Variants in FGGY observed in about 807,000 individuals in gnomAD.
FGGY encodes FGGY carbohydrate kinase domain-containing protein.
In FGGY, 72 loss-of-function variants were observed where a neutral mutation model predicts 71.3. That is an observed-to-expected ratio of 1.01 (90% CI 0.84 to 1.23). The LOEUF (loss-of-function observed/expected upper bound fraction) is 1.23, where lower values mean the gene tolerates loss of function less well. Among genes scored for constraint, FGGY ranks in the 50% most tolerant of loss-of-function variants. The pLI, the probability that FGGY is intolerant of heterozygous loss-of-function variation, is 0.00. For missense variants in FGGY, 668 were observed against 682.3 expected (o/e 0.98, Z 0.23); for synonymous variants, 251 against 250.3 (o/e 1.00, Z -0.02).
chr1:59,551,506 A>G (rs1558319299), intron 7 of FGGY, among the ~76,000 whole-genome samples: 1 of 152,168 alleles, frequency 6.6e-6, no homozygotes, highest in South Asian at 2.1e-4. Flanking sequence ...CAGCGTGGCC[A>G]ACTCCTTTTC....
rs148383226 is a variant in FGGY at position 59,513,160 on chromosome 1, T to G, written c.799+721T>G. 7.7e-4 allele frequency among the ~76,000 whole-genome samples: 118 copies of G among 152,338 alleles called. No individual in the cohort carries two copies. In the Middle Eastern group the frequency reaches 0.014, roughly 18 times the overall value. ...CTCTCATCTCAACTGTAGCCATATA[T>G]TTTTTTCCTAGCCTTTCATTCTAAC... On this transcript the variant is annotated intron_variant, in intron 7 of 15. Coordinates refer to ENST00000303721, the MANE Select transcript of FGGY (RefSeq NM_018291.5).
rs557215334 is a variant in FGGY at position 59,350,856 on chromosome 1, C to T, written c.465+4458C>T. Reference sequence around the variant, plus strand: ...GTGCATGATGTCATTTTTACCTCTTCCTCTCTCGTCACTGTTTGTCTTTTA... The same window carrying T: ...GTGCATGATGTCATTTTTACCTCTTTCTCTCTCGTCACTGTTTGTCTTTTA... On this transcript the variant is annotated intron_variant, in intron 4 of 15. Transcript: ENST00000303721. Among the ~76,000 whole-genome samples, 4 of 152,296 alleles carry T rather than the reference C, an allele frequency of 2.6e-5. No individual in the cohort carries two copies. In the South Asian group the frequency reaches 8.3e-4, roughly 32 times the overall value.
At chr1:59,340,851 G>A (rs576878696) in intron 3 of FGGY, among the ~76,000 whole-genome samples, 12 of 152,294 alleles carry the variant, frequency 7.9e-5, no homozygotes, top group African/African-American at 2.9e-4. Context: ...AATTTCAACT[G>A]ATATTTAACC....
intron 7 of FGGY, among the ~76,000 whole-genome samples, chr1:59,512,680 T>A (rs2094546987): frequency 6.6e-6 from 1 of 152,238 alleles, no homozygotes; most frequent in South Asian, 2.1e-4. Flanking sequence ...AAAAAATGTA[T>A]TTGAATAACT....
intron 5 of FGGY, among the ~76,000 whole-genome samples, chr1:59,403,778 T>C (rs1405515128): frequency 1.3e-5 from 2 of 152,226 alleles, no homozygotes; most frequent in Non-Finnish European, 2.9e-5. Flanking sequence ...GGAGTGTTTC[T>C]GATGTGGGCT....
At position 59,550,005 on chromosome 1, in the gene FGGY, A is replaced by G. The variant is rs150465966; in HGVS notation, c.800-4119A>G. On this transcript the variant is annotated intron_variant, in intron 7 of 15. Transcript: ENST00000303721. ...CATTGAGTTAGCCTGTTTTTCTGCT[A>G]TTTGTTTTTTAGTTCAACAAACATT... Among the ~76,000 whole-genome samples the G allele has an allele frequency of 1.5e-3, 230 of 152,250 alleles. 2 individuals carry two copies. The highest frequency in any genetic ancestry group is 5.2e-3 in the African/African-American group (215 of 41,554).
chr1:59,346,030 A>T (rs192430737), intron 3 of FGGY, among the ~76,000 whole-genome samples: 17 of 152,318 alleles, frequency 1.1e-4, no homozygotes, highest in African/African-American at 4.1e-4. Flanking sequence ...CATTTATTCT[A>T]AGGTCATGGT....
At chr1:59,741,671 G>A (rs552446975) in intron 14 of FGGY, among the ~76,000 whole-genome samples, 3 of 152,170 alleles carry the variant, frequency 2.0e-5, no homozygotes, top group Non-Finnish European at 2.9e-5. Context: ...CCAGGCGGGC[G>A]AGGCGCGGTG....
chr1:59,311,291 C>A (rs886465488), intron 1 of FGGY, among the ~76,000 whole-genome samples: 101 of 150,698 alleles, frequency 6.7e-4, no homozygotes, highest in African/African-American at 2.3e-3. Flanking sequence ...ACTGTAAGTT[C>A]CAGGATACAT....
intron 6 of FGGY, among the ~76,000 whole-genome samples, chr1:59,490,728 T>G (rs2093804222): frequency 6.6e-6 from 1 of 152,142 alleles, no homozygotes; most frequent in African/African-American, 2.4e-5. Context: ...AACTTCATTC[T>G]TCTGCACATA....
chr1:59,760,421 G>T (rs1270089152), intron 15 of FGGY, among the ~76,000 whole-genome samples: 7 of 152,190 alleles, frequency 4.6e-5, no homozygotes, highest in Non-Finnish European at 1.0e-4. Context: ...ATTAACATGT[G>T]ATTCAGGAAT....
chr1:59,415,781 C>T (rs957318589), intron 5 of FGGY, among the ~76,000 whole-genome samples: 2 of 152,220 alleles, frequency 1.3e-5, no homozygotes, highest in African/African-American at 4.8e-5. Context: ...TGTCTTTATT[C>T]ATGTTGCCCA....
At chr1:59,539,045 A>G (rs1316601866) in intron 7 of FGGY, among the ~76,000 whole-genome samples, 1 of 152,180 alleles carries the variant, frequency 6.6e-6, no homozygotes, top group African/African-American at 2.4e-5. Flanking sequence ...ACAATAAAAT[A>G]AAAATATTAA....
chr1:59,534,783 A>C (rs1033389082), intron 7 of FGGY, among the ~76,000 whole-genome samples: 9 of 152,100 alleles, frequency 5.9e-5, no homozygotes, highest in African/African-American at 2.2e-4. Flanking sequence ...GCAAATGCTG[A>C]GAGATTTTGT....
chr1:59,665,503 A>G (rs181612451), intron 12 of FGGY, among the ~76,000 whole-genome samples: 1 of 151,976 alleles, frequency 6.6e-6, no homozygotes, highest in Non-Finnish European at 1.5e-5. Flanking sequence ...TTAGGATTTC[A>G]TGTCCTATGG....
At chr1:59,459,763 C>T (rs2092015136) in intron 6 of FGGY, among the ~76,000 whole-genome samples, 2 of 152,124 alleles carry the variant, frequency 1.3e-5, no homozygotes, top group Non-Finnish European at 1.5e-5. Context: ...ATTGATTATC[C>T]AGGTGCCATT....
chr1:59,366,090 C>T (rs1194215016), intron 4 of FGGY, among the ~76,000 whole-genome samples: 1 of 152,130 alleles, frequency 6.6e-6, no homozygotes, highest in Non-Finnish European at 1.5e-5. Context: ...GATGAGTTTT[C>T]ATTAAAATGA....
chr1:59,348,494 T>G (rs2052582858), intron 4 of FGGY, among the ~76,000 whole-genome samples: 1 of 152,104 alleles, frequency 6.6e-6, no homozygotes, highest in African/African-American at 2.4e-5. Context: ...GATGGATGTG[T>G]GAGAAAGTTC....
rs113332282 is a variant in FGGY at position 59,600,059 on chromosome 1, C to T, written c.904-7744C>T. Among the ~76,000 whole-genome samples, 707 of 152,192 alleles carry T rather than the reference C, an allele frequency of 4.6e-3. 14 individuals are homozygous for T. Among genetic ancestry groups the T allele is most frequent in the African/African-American group, 0.016 (663 of 41,518 alleles). On this transcript the variant is annotated intron_variant, in intron 8 of 15. Transcript: ENST00000303721. ...GAGGTATGAAAGATTCTCTGAGTGA[C>T]GCTTAAGAGAGTACAGGATGGAGGA...
Sources: gnomAD v4.1 joint callset for allele counts (sites outside exome capture counted in the v4.1 genomes callset) on GRCh38, gnomAD v4.1.1 for gene constraint, MANE v1.5 for transcripts, NCBI Gene and HGNC (gene_info 2026-07-23, HGNC 2026-07-21) for gene names.